The following CTNND2 variants were observed in gnomAD, a reference collection of about 807,000 sequenced individuals.
CTNND2 encodes the protein catenin delta 2.
CTNND2 carries 22 observed loss-of-function variants against 144.4 expected under a neutral mutation model. That is an observed-to-expected ratio of 0.15 (90% CI 0.11 to 0.22). CTNND2 has a LOEUF of 0.22. CTNND2 is among the 10% of genes least tolerant of loss of function. The pLI is 1.00. For synonymous variants in CTNND2, 751 were observed against 695.6 expected (o/e 1.08, Z -1.25); for missense variants, 1,353 against 1,618.8 (o/e 0.84, Z 2.82).
At chr5:11,661,891 C>A (rs558677428) in intron 2 of CTNND2, among the ~76,000 whole-genome samples, 1 of 151,702 alleles carries the variant, frequency 6.6e-6, no homozygotes, top group East Asian at 1.9e-4. Context: ...ATGAGCATTA[C>A]CGTTCAAACT....
chr5:11,245,897 C>A (rs897755060), intron 9 of CTNND2, among the ~76,000 whole-genome samples: 1 of 152,194 alleles, frequency 6.6e-6, no homozygotes, highest in African/African-American at 2.4e-5. Flanking sequence ...GAGGCCGACT[C>A]TTCCATTGAT....
At chr5:11,084,006 A>G in intron 15 of CTNND2, 1 of 998,434 alleles carries the variant, frequency 1.0e-6, no homozygotes, top group Non-Finnish European at 1.2e-6. Context: ...CCTACATTAG[A>G]AATCACATTC....
chr5:11,049,442 C>T (rs1189855843), intron 16 of CTNND2, among the ~76,000 whole-genome samples: 2 of 152,150 alleles, frequency 1.3e-5, no homozygotes, highest in Non-Finnish European at 2.9e-5. Context: ...ACAGACAGTA[C>T]ACTAACTTTC....
In CTNND2 at chr5:11,154,672, G is replaced by A. The variant is rs1042996437; in HGVS notation, c.2159+4904C>T. ...ATAGATTCCCAGGGCTGTCAGAACC[G>A]AGTACCACAAACTGGGTGGCTTAAA... On this transcript the variant is annotated intron_variant, in intron 12 of 21. Transcript: ENST00000304623. Among the ~76,000 whole-genome samples, 9 of 152,222 alleles carry A rather than the reference G, an allele frequency of 5.9e-5. No homozygotes were observed. In the East Asian group the frequency reaches 1.5e-3, roughly 26 times the overall value.
chr5:11,433,910 G>A (rs909162426), intron 3 of CTNND2, among the ~76,000 whole-genome samples: 8 of 152,146 alleles, frequency 5.3e-5, no homozygotes, highest in African/African-American at 1.2e-4. Flanking sequence ...GGGAAAAGTC[G>A]GGGAGTTTCT....
At chr5:11,378,070 C>A (rs1758112733) in intron 7 of CTNND2, among the ~76,000 whole-genome samples, 1 of 152,102 alleles carries the variant, frequency 6.6e-6, no homozygotes, top group Non-Finnish European at 1.5e-5. Flanking sequence ...TTGCACGAAG[C>A]CACTGAGATA....
intron 3 of CTNND2, among the ~76,000 whole-genome samples, chr5:11,493,024 A>G (rs1380927865): frequency 6.6e-6 from 1 of 152,126 alleles, no homozygotes; most frequent in Non-Finnish European, 1.5e-5. Context: ...TTGCGCCACT[A>G]CACTCCAGCC....
At chr5:11,465,314 T>C (rs568791072) in intron 3 of CTNND2, among the ~76,000 whole-genome samples, 4 of 152,180 alleles carry the variant, frequency 2.6e-5, no homozygotes, top group Admixed American at 1.3e-4. Flanking sequence ...TTTTTTTTTT[T>C]TTTGCATTCT....
intron 1 of CTNND2, among the ~76,000 whole-genome samples, chr5:11,793,824 G>T (rs1379579302): frequency 6.6e-6 from 1 of 152,162 alleles, no homozygotes; most frequent in Non-Finnish European, 1.5e-5. Context: ...AATCACATTG[G>T]CTTTTGATAC....
chr5:11,716,880 G>A (rs1054049439), intron 2 of CTNND2, among the ~76,000 whole-genome samples: 1 of 151,310 alleles, frequency 6.6e-6, no homozygotes, highest in African/African-American at 2.4e-5. Flanking sequence ...TTGTATTTTT[G>A]TATTTTGAGA....
chr5:11,248,524 T>C (rs921517501), intron 9 of CTNND2, among the ~76,000 whole-genome samples: 1 of 152,162 alleles, frequency 6.6e-6, no homozygotes, highest in Non-Finnish European at 1.5e-5. Flanking sequence ...ACTTGATACA[T>C]AGACTTAAAA....
At chr5:11,731,487 T>C (rs375777360) in intron 2 of CTNND2, among the ~76,000 whole-genome samples, 2 of 152,326 alleles carry the variant, frequency 1.3e-5, no homozygotes, top group South Asian at 4.1e-4. Flanking sequence ...GAAGAAGCAG[T>C]AACTAAAAGA....
chr5:11,143,976 T>C (rs1756996315), intron 12 of CTNND2, among the ~76,000 whole-genome samples: 1 of 149,640 alleles, frequency 6.7e-6, no homozygotes, highest in Non-Finnish European at 1.5e-5. Context: ...GTTCCTACCA[T>C]AGGGGCAGTC....
chr5:11,633,737 A>T (rs957426134), intron 2 of CTNND2, among the ~76,000 whole-genome samples: 5 of 151,038 alleles, frequency 3.3e-5, no homozygotes, highest in Admixed American at 2.6e-4. Flanking sequence ...AAATGTGCCA[A>T]TGTACTCCAG....
intron 2 of CTNND2, among the ~76,000 whole-genome samples, chr5:11,689,187 C>G (rs1784786280): frequency 6.6e-6 from 1 of 152,202 alleles, no homozygotes; most frequent in South Asian, 2.1e-4. Context: ...AGTTAAGACT[C>G]AGCATCTACT....
chr5:10,975,086 G>A (rs2149477870), intron 21 of CTNND2, among the ~76,000 whole-genome samples: 1 of 152,340 alleles, frequency 6.6e-6, no homozygotes, highest in South Asian at 2.1e-4. Context: ...AACAAAGGAT[G>A]AGAGGAACAT....
chr5:11,598,669 T>A (rs887064402), intron 2 of CTNND2, among the ~76,000 whole-genome samples: 1 of 152,260 alleles, frequency 6.6e-6, no homozygotes, highest in Middle Eastern at 3.4e-3. Flanking sequence ...GAATTGAAGA[T>A]GAAGAGCTGG....
At chr5:11,314,545 T>C (rs1386575607) in intron 9 of CTNND2, among the ~76,000 whole-genome samples, 2 of 152,098 alleles carry the variant, frequency 1.3e-5, no homozygotes. Flanking sequence ...TTACTACTAT[T>C]TGTAGAGATG....
chr5:11,895,092 C>T (rs1302830297), intron 1 of CTNND2, among the ~76,000 whole-genome samples: 1 of 152,046 alleles, frequency 6.6e-6, no homozygotes, highest in African/African-American at 2.4e-5. Flanking sequence ...CCTGGCTCTT[C>T]CCAACGAACT....
Sources: gnomAD v4.1 joint callset for allele counts (sites outside exome capture counted in the v4.1 genomes callset) on GRCh38, gnomAD v4.1.1 for gene constraint, MANE v1.5 for transcripts, NCBI Gene and HGNC (gene_info 2026-07-23, HGNC 2026-07-21) for gene names.